XRCC4: variants seen among roughly 807,000 people sequenced by gnomAD.
The protein encoded by XRCC4 is X-ray repair cross complementing 4.
Under a neutral mutation model 39.1 loss-of-function variants are expected in XRCC4, and 28 were observed. The ratio of observed to expected loss-of-function variants is 0.72; its 90% CI spans 0.53 to 0.98. XRCC4 has a LOEUF of 0.98. Ranked by LOEUF, XRCC4 falls within the 50% of genes least tolerant of loss-of-function variation. The probability of loss-of-function intolerance (pLI) is 0.00; values close to 1 mark genes in which losing one functional copy is unlikely to be tolerated. For missense variants in XRCC4, 350 were observed against 376.4 expected, an observed-to-expected ratio of 0.93 and a Z score of 0.58; for synonymous variants, 123 against 126.4, an observed-to-expected ratio of 0.97 and a Z score of 0.18.
chr5:83,362,357 T>C, the XRCC4 span, among the ~76,000 whole-genome samples: 3 of 150,446 alleles, frequency 2.0e-5, no homozygotes, highest in Non-Finnish European at 4.4e-5. Context: ...TATTCACATA[T>C]TGATTTATTT....
intron 6 of XRCC4, among the ~76,000 whole-genome samples, chr5:83,228,378 C>G (rs1752371234): frequency 6.6e-6 from 1 of 151,864 alleles, no homozygotes; most frequent in Admixed American, 6.6e-5. Context: ...AACCATGTGT[C>G]CTTGTGCCTC....
At chr5:83,255,947 A>G (rs1306414039) in intron 6 of XRCC4, among the ~76,000 whole-genome samples, 1 of 152,180 alleles carries the variant, frequency 6.6e-6, no homozygotes, top group Admixed American at 6.6e-5. Context: ...TTGTCCATAA[A>G]ATGATGGGCA....
Position 83,215,881 on chromosome 5 carries a change from C to G in XRCC4, c.745+10960C>G, listed in dbSNP as rs991415155. ...AAACCTATTAAAGAAAACAGAAAAT[C>G]TCTGTGAACTTAGTTTTAGGCAAAG... On this transcript the variant is annotated intron_variant, in intron 6 of 7. Transcript: ENST00000396027. 2.0e-5 allele frequency among the ~76,000 whole-genome samples: 3 copies of G among 152,040 alleles called. 1 individual carries two copies. The highest frequency in any genetic ancestry group is 1.3e-4 in the Admixed American group (2 of 15,262).
At position 83,131,951 on chromosome 5, in the gene XRCC4, A is replaced by T. The variant is rs531433272; in HGVS notation, c.315+20748A>T. Among the ~76,000 whole-genome samples the T allele has an allele frequency of 8.6e-4, 131 of 152,190 alleles. No individual in the cohort carries two copies. The Middle Eastern group carries it at 0.01, about 12-fold the overall frequency. Reference sequence around the variant, plus strand: ...ACGTTAGCTGGTTATTTTGCTCGTTAGTTGATGCAGTTTCTTCTTAGCATC... The same window carrying T: ...ACGTTAGCTGGTTATTTTGCTCGTTTGTTGATGCAGTTTCTTCTTAGCATC... On this transcript the variant is annotated intron_variant, in intron 3 of 7. Transcript: ENST00000396027.
chr5:83,098,723 A>G (rs573286540), intron 1 of XRCC4, among the ~76,000 whole-genome samples: 2 of 152,254 alleles, frequency 1.3e-5, no homozygotes, highest in East Asian at 3.9e-4. Flanking sequence ...GCAAGTTGGC[A>G]GGCTATTAAT....
intron 3 of XRCC4, among the ~76,000 whole-genome samples, chr5:83,172,005 T>C (rs931421064): frequency 6.6e-6 from 1 of 152,210 alleles, no homozygotes; most frequent in African/African-American, 2.4e-5. Flanking sequence ...CTAGCACTAT[T>C]GAAAAATCTT....
At chr5:83,147,245 G>A (rs987683876) in intron 3 of XRCC4, among the ~76,000 whole-genome samples, 1 of 152,146 alleles carries the variant, frequency 6.6e-6, no homozygotes, top group Non-Finnish European at 1.5e-5. Flanking sequence ...GCAACATAGC[G>A]AGGCTTTGTC....
intron 7 of XRCC4, among the ~76,000 whole-genome samples, chr5:83,320,024 G>A (rs1040310759): frequency 6.6e-6 from 1 of 151,028 alleles, no homozygotes; most frequent in African/African-American, 2.4e-5. Context: ...ATACTATGCA[G>A]CCATAAATAA....
the XRCC4 span, among the ~76,000 whole-genome samples, chr5:83,366,844 C>T: frequency 6.6e-6 from 1 of 152,142 alleles, no homozygotes; most frequent in Non-Finnish European, 1.5e-5. Context: ...ATCAGGGAGG[C>T]CTTCCCAGAC....
intron 3 of XRCC4, among the ~76,000 whole-genome samples, chr5:83,151,342 G>A (rs981287424): frequency 3.9e-5 from 6 of 152,110 alleles, no homozygotes; most frequent in African/African-American, 9.7e-5. Flanking sequence ...TAGGCAGGTG[G>A]CTTTCCTCCT....
At chr5:83,362,150 C>T in the XRCC4 span, among the ~76,000 whole-genome samples, 1 of 151,966 alleles carries the variant, frequency 6.6e-6, no homozygotes, top group East Asian at 1.9e-4. Context: ...GATGGCATGA[C>T]TTCCAGGCAA....
intron 6 of XRCC4, among the ~76,000 whole-genome samples, chr5:83,243,489 C>CT (rs1164623990): frequency 6.6e-6 from 1 of 152,212 alleles, no homozygotes. Flanking sequence ...ACTCACTGGG[C>CT]TAGGGCCCAC....
intron 6 of XRCC4, among the ~76,000 whole-genome samples, chr5:83,210,060 G>T (rs1289705848): frequency 6.6e-6 from 1 of 152,078 alleles, no homozygotes; most frequent in Non-Finnish European, 1.5e-5. Flanking sequence ...TAAATGAATG[G>T]CTATGTCCAA....
chr5:83,124,532 G>GA (rs1249797934), intron 3 of XRCC4, among the ~76,000 whole-genome samples: 2 of 151,968 alleles, frequency 1.3e-5, no homozygotes, highest in South Asian at 2.1e-4. Context: ...TTTATTCACT[G>GA]AAAAAAACCT....
intron 7 of XRCC4, among the ~76,000 whole-genome samples, chr5:83,324,534 A>G (rs1756183534): frequency 6.6e-6 from 1 of 152,166 alleles, no homozygotes; most frequent in African/African-American, 2.4e-5. Context: ...GAAAGTGTTG[A>G]TCAATATTTT....
At chr5:83,340,543 T>C (rs897552198) in intron 7 of XRCC4, among the ~76,000 whole-genome samples, 1 of 151,904 alleles carries the variant, frequency 6.6e-6, no homozygotes. Context: ...CAGAATGATG[T>C]GCAGTGAGAA....
At position 83,353,216 on chromosome 5, in the gene XRCC4, C is replaced by A. The variant is rs1351243013; in HGVS notation, c.979C>A (p.Pro327Thr). Residue 327 changes from proline (P) to threonine (T), a missense_variant, in exon 8 of 8, where the codon CCA becomes ACA. By Grantham distance (38) the Pro-to-Thr change is conservative (BLOSUM62 -1). Coordinates refer to ENST00000396027, the MANE Select transcript of XRCC4 (RefSeq NM_003401.5). ...MSLETLRNSS[P>T]EDLFDEI ...TTTAGAAACTCTGAGAAACAGCAGC[C>A]CAGAAGACCTCTTTGATGAGATTTA... 1 of 1,610,168 alleles carries A rather than the reference C, an allele frequency of 6.2e-7. No individual in the cohort carries two copies. The highest frequency in any genetic ancestry group is 2.2e-5 in the East Asian group (1 of 44,564).
At chr5:83,246,943 T>A (rs1220986065) in intron 6 of XRCC4, among the ~76,000 whole-genome samples, 1 of 152,214 alleles carries the variant, frequency 6.6e-6, no homozygotes. Context: ...GTGGACTTCC[T>A]AGCTGTTTAT....
At chr5:83,116,172 A>G (rs1406491299) in intron 3 of XRCC4, among the ~76,000 whole-genome samples, 1 of 152,216 alleles carries the variant, frequency 6.6e-6, no homozygotes, top group Non-Finnish European at 1.5e-5. Flanking sequence ...AAAAATTGAG[A>G]AGGAGTTTGT....
Sources: gnomAD v4.1 joint callset for allele counts (sites outside exome capture counted in the v4.1 genomes callset) on GRCh38, gnomAD v4.1.1 for gene constraint, MANE v1.5 for transcripts, NCBI Gene and HGNC (gene_info 2026-07-23, HGNC 2026-07-21) for gene names.